The following NDST4 variants were observed in gnomAD, a reference collection of about 807,000 sequenced individuals.
The protein encoded by NDST4 is N-deacetylase and N-sulfotransferase 4.
A neutral mutation model predicts 100.8 loss-of-function variants in NDST4; 63 were observed. The observed-to-expected ratio is 0.62, with a 90% confidence interval of 0.51 to 0.77. The LOEUF (loss-of-function observed/expected upper bound fraction) is 0.77, where lower values mean the gene tolerates loss of function less well. Ranked by LOEUF, NDST4 falls within the 30% of genes least tolerant of loss-of-function variation. The pLI, the probability that NDST4 is intolerant of heterozygous loss-of-function variation, is 0.00. For synonymous variants in NDST4, 377 were observed against 361.8 expected (o/e 1.04, Z -0.48); for missense variants, 943 against 1,018.4 (o/e 0.93, Z 1.01).
At chr4:115,018,900 C>T (rs1727747771) in intron 2 of NDST4, among the ~76,000 whole-genome samples, 1 of 151,812 alleles carries the variant, frequency 6.6e-6, no homozygotes, top group South Asian at 2.1e-4. Context: ...TGCATCAAAG[C>T]TACATTTATT....
intron 2 of NDST4, among the ~76,000 whole-genome samples, chr4:115,068,624 C>T (rs1281293333): frequency 1.3e-4 from 19 of 141,012 alleles, no homozygotes; most frequent in Admixed American, 2.2e-4. Flanking sequence ...CTGGCTAACA[C>T]GGTGAAACCC....
chr4:114,923,086 A>G (rs909328568), intron 6 of NDST4, among the ~76,000 whole-genome samples: 1 of 152,190 alleles, frequency 6.6e-6, no homozygotes, highest in Non-Finnish European at 1.5e-5. Flanking sequence ...AAAGCCTTCT[A>G]ATACAGAATA....
At chr4:114,904,718 T>C (rs946507840) in intron 6 of NDST4, among the ~76,000 whole-genome samples, 2 of 151,850 alleles carry the variant, frequency 1.3e-5, no homozygotes, top group African/African-American at 2.4e-5. Context: ...TTACAGGGAA[T>C]AAGAGGTATC....
chr4:114,954,269 A>G (rs912705821), intron 4 of NDST4, among the ~76,000 whole-genome samples: 1 of 152,162 alleles, frequency 6.6e-6, no homozygotes, highest in Non-Finnish European at 1.5e-5. Context: ...CTTTTAAAAA[A>G]TTCTAAAATC....
chr4:115,032,606 G>T (rs1728138674), intron 2 of NDST4, among the ~76,000 whole-genome samples: 1 of 152,000 alleles, frequency 6.6e-6, no homozygotes, highest in Non-Finnish European at 1.5e-5. Context: ...AATTGTATTA[G>T]ATTATATAAT....
chr4:114,839,600 G>A (rs774226422), intron 10 of NDST4, 52 bp from the exon 11 acceptor site: 1 of 1,559,920 alleles, frequency 6.4e-7, no homozygotes. Context: ...TGCCTGTGTA[G>A]ATATGCATAT....
intron 2 of NDST4, among the ~76,000 whole-genome samples, chr4:115,057,219 G>A (rs1728714118): frequency 6.6e-6 from 1 of 152,112 alleles, no homozygotes; most frequent in African/African-American, 2.4e-5. Flanking sequence ...CTGTAGAAGT[G>A]CAAAGACTGG....
chr4:114,846,326 A>G (rs187376230), intron 9 of NDST4, among the ~76,000 whole-genome samples: 27 of 152,356 alleles, frequency 1.8e-4, no homozygotes, highest in African/African-American at 6.3e-4. Flanking sequence ...GGCAAATAGC[A>G]AATTACACTA....
chr4:114,891,394 T>C (rs766804272), intron 6 of NDST4, among the ~76,000 whole-genome samples: 2 of 152,106 alleles, frequency 1.3e-5, no homozygotes, highest in Non-Finnish European at 2.9e-5. Flanking sequence ...TGAATATCTT[T>C]AGATCATTTC....
chr4:114,953,254 C>T (rs62315270), intron 4 of NDST4, among the ~76,000 whole-genome samples: 448 of 152,052 alleles, frequency 2.9e-3, no homozygotes, highest in Non-Finnish European at 5.3e-3. Context: ...GAACCTTTCT[C>T]CATTTGATTT....
chr4:114,901,228 T>C (rs764991865), intron 6 of NDST4, among the ~76,000 whole-genome samples: 1 of 152,052 alleles, frequency 6.6e-6, no homozygotes, highest in Non-Finnish European at 1.5e-5. Context: ...AATCTGTCCA[T>C]TTCTGATAGT....
intron 2 of NDST4, among the ~76,000 whole-genome samples, chr4:114,983,412 C>G (rs1344498386): frequency 1.3e-5 from 2 of 152,206 alleles, no homozygotes; most frequent in Non-Finnish European, 2.9e-5. Context: ...GATGTGAGAC[C>G]TGAACTCAAA....
In NDST4 at chr4:114,897,982, A is replaced by T. The variant is rs535470579; in HGVS notation, c.1537-27032T>A. Among the ~76,000 whole-genome samples the T allele has an allele frequency of 3.3e-5, 5 of 152,256 alleles. No individual in the cohort carries two copies. In the East Asian group the frequency reaches 9.6e-4, roughly 29 times the overall value. ...TCGTATATTTGATGTGCCCTTTGCA[A>T]ATATTTACTCCCAGTCTGTGGCTCA... On this transcript the variant is annotated intron_variant, in intron 6 of 13. Transcript: ENST00000264363.
At chr4:115,058,993 A>G (rs1728759529) in intron 2 of NDST4, among the ~76,000 whole-genome samples, 1 of 151,732 alleles carries the variant, frequency 6.6e-6, no homozygotes, top group Admixed American at 6.6e-5. Flanking sequence ...ACACACACAC[A>G]CACACACACA....
intron 2 of NDST4, among the ~76,000 whole-genome samples, chr4:114,999,436 C>G (rs1727235426): frequency 6.6e-6 from 1 of 152,064 alleles, no homozygotes; most frequent in Non-Finnish European, 1.5e-5. Context: ...TACATAGTAA[C>G]TTCTTAGGAT....
chr4:114,972,958 C>T (rs142206225), intron 3 of NDST4, among the ~76,000 whole-genome samples: 12 of 152,058 alleles, frequency 7.9e-5, no homozygotes, highest in African/African-American at 2.4e-4. Context: ...CTGAGAGTAA[C>T]GTTTAAGACT....
intron 7 of NDST4, among the ~76,000 whole-genome samples, chr4:114,861,944 C>T (rs2126193076): frequency 6.6e-6 from 1 of 152,138 alleles, no homozygotes; most frequent in South Asian, 2.1e-4. Flanking sequence ...ATGTCAGTAC[C>T]TAAAATTATT....
At chr4:115,054,992 C>T (rs1476723132) in intron 2 of NDST4, among the ~76,000 whole-genome samples, 1 of 152,098 alleles carries the variant, frequency 6.6e-6, no homozygotes, top group Non-Finnish European at 1.5e-5. Context: ...AGTAAAGCTT[C>T]ATCTGTGTTT....
intron 4 of NDST4, among the ~76,000 whole-genome samples, chr4:114,940,294 G>C (rs530592064): frequency 1.3e-5 from 2 of 152,134 alleles, no homozygotes; most frequent in East Asian, 3.9e-4. Context: ...TGCGAAATAA[G>C]ATATTGCAGT....
Sources: allele counts gnomAD v4.1 joint callset (sites outside exome capture counted in the v4.1 genomes callset), GRCh38; gene constraint gnomAD v4.1.1; transcripts MANE v1.5; gene names NCBI Gene and HGNC (gene_info 2026-07-23, HGNC 2026-07-21).